EVC: variants seen among roughly 807,000 people sequenced by gnomAD.
The protein encoded by EVC is evC complex member EVC.
In EVC, 116 loss-of-function variants were observed where a neutral mutation model predicts 118.9. The ratio of observed to expected loss-of-function variants is 0.98; its 90% CI spans 0.84 to 1.14. The LOEUF is 1.14. Among genes scored for constraint, EVC ranks in the 50% most tolerant of loss-of-function variants. The pLI is 0.00. For synonymous variants in EVC, 619 were observed against 534.7 expected, an observed-to-expected ratio of 1.16 and a Z score of -2.18; for missense variants, 1,401 against 1,246.4, an observed-to-expected ratio of 1.12 and a Z score of -1.87.
At chr4:5,787,654 T>G (rs190720545) in intron 12 of EVC, among the ~76,000 whole-genome samples, 168 of 152,206 alleles carry the variant, frequency 1.1e-3, no homozygotes, top group African/African-American at 3.8e-3. Flanking sequence ...GCCAACAAAT[T>G]TGTAATAAAG....
At chr4:5,767,929 CA>C (rs1733211992) in intron 11 of EVC, among the ~76,000 whole-genome samples, 1 of 152,192 alleles carries the variant, frequency 6.6e-6, no homozygotes, top group African/African-American at 2.4e-5. Context: ...CCCCTCCCCC[CA>C]CCGGCAGCTT....
At chr4:5,765,498 T>C (rs1386982161) in intron 11 of EVC, among the ~76,000 whole-genome samples, 4 of 121,246 alleles carry the variant, frequency 3.3e-5, no homozygotes, top group Non-Finnish European at 5.4e-5. Flanking sequence ...ATGTTGACAG[T>C]GGGGTGTTAA....
Position 5,737,538 on chromosome 4 carries a change from A to G in EVC, c.702+4103A>G, listed in dbSNP as rs912734261. Among the ~76,000 whole-genome samples, 3 of 152,236 alleles carry G rather than the reference A, an allele frequency of 2.0e-5. No homozygotes were observed. The highest frequency in any genetic ancestry group is 4.8e-5 in the African/African-American group (2 of 41,470). On this transcript the variant is annotated intron_variant, in intron 5 of 20. Transcript: ENST00000264956. The surrounding 1 kb of genome is among the most constrained non-coding windows in gnomAD (Gnocchi z 5.0). ...CAAAGAACAGGCTGACTCTCTCGCT[A>G]GGGGCTAATGCGGGAGATGACTTTA...
At chr4:5,730,513 C>T (rs1401230982) in intron 3 of EVC, among the ~76,000 whole-genome samples, 1 of 152,118 alleles carries the variant, frequency 6.6e-6, no homozygotes, top group Non-Finnish European at 1.5e-5. Flanking sequence ...TTTCTCCATC[C>T]TCTGGGTAGG....
At chr4:5,822,704 A>T in the EVC span, among the ~76,000 whole-genome samples, 1 of 152,208 alleles carries the variant, frequency 6.6e-6, no homozygotes, top group Non-Finnish European at 1.5e-5. Flanking sequence ...AGGGAGGGGA[A>T]GTTGAGCCGG....
intron 8 of EVC, among the ~76,000 whole-genome samples, chr4:5,748,737 A>ATCCACCCATCC (rs1729860722): frequency 1.9e-5 from 2 of 104,112 alleles, no homozygotes; most frequent in Admixed American, 2.1e-4. Context: ...TCCACCCATC[A>ATCCACCCATCC]ATCCACCCAT....
chr4:5,808,457 T>C, intron 18 of EVC, 130 bp downstream of exon 18: 1 of 1,431,396 alleles, frequency 7.0e-7, no homozygotes, highest in South Asian at 1.2e-5. Flanking sequence ...GTTGACCCGC[T>C]GAGTCTCACC....
chr4:5,794,331 A>G (rs917999238), intron 13 of EVC, among the ~76,000 whole-genome samples: 7 of 119,158 alleles, frequency 5.9e-5, no homozygotes, highest in African/African-American at 1.7e-4. Flanking sequence ...ATATTTATAT[A>G]TATTTATATA....
intron 10 of EVC, 25 bp downstream of exon 10, chr4:5,753,958 A>T (rs752505533): frequency 6.2e-7 from 1 of 1,612,270 alleles, no homozygotes; most frequent in South Asian, 1.1e-5. Flanking sequence ...CAGCCTCTGC[A>T]CATGTGGGTG....
chr4:5,754,048 C>G lies in EVC; in HGVS notation c.1464+115C>G, dbSNP rs1730809000. 2.2e-6 allele frequency: 3 copies of G among 1,359,332 alleles called. No homozygotes were observed. Among genetic ancestry groups the G allele is most frequent in the East Asian group, 2.3e-5 (1 of 42,616 alleles). 84.2% of individuals were successfully genotyped at this position (1,359,332 alleles called of 1,614,324 possible). A position where few individuals can be genotyped will look rare whatever the true frequency, so the allele number is the denominator to read the frequency against. On this transcript the variant is annotated intron_variant, in intron 10 of 20. Coordinates refer to ENST00000264956, the MANE Select transcript of EVC (RefSeq NM_153717.3). This position sits in a 1 kb window ranked among gnomAD's most constrained non-coding sequence, Gnocchi z 5.8. ...CAGGCATGAGGTTATCTGCCTACTTCCCATGTGTCAGCCGAGTGACCGAAT... is the reference window on the plus strand; with the variant it reads ...CAGGCATGAGGTTATCTGCCTACTTGCCATGTGTCAGCCGAGTGACCGAAT...
chr4:5,783,851 A>T (rs1736026064), intron 12 of EVC, 87 bp downstream of exon 12: 1 of 1,230,698 alleles, frequency 8.1e-7, no homozygotes, highest in South Asian at 1.3e-5. Flanking sequence ...CTGAACACCC[A>T]CTAGTGCCTA....
At chr4:5,794,357 ATGTATT>A (rs1713492411) in intron 13 of EVC, among the ~76,000 whole-genome samples, 2 of 140,068 alleles carry the variant, frequency 1.4e-5, no homozygotes. Context: ...ATATATATTT[ATGTATT>A]TATATTTATA....
intron 16 of EVC, among the ~76,000 whole-genome samples, chr4:5,804,095 G>A (rs539424304): frequency 1.7e-4 from 26 of 152,154 alleles, no homozygotes; most frequent in Admixed American, 4.6e-4. Context: ...ATGTCACTGC[G>A]CCTGGCTCAT....
At chr4:5,758,311 A>G (rs1168675755) in intron 11 of EVC, 1 of 558,922 alleles carries the variant, frequency 1.8e-6, no homozygotes, top group African/African-American at 1.9e-5. Flanking sequence ...GTCTTAATGC[A>G]CCCAGTTTGC....
chr4:5,746,438 C>T lies in EVC; in HGVS notation c.939+1097C>T, dbSNP rs927408941. Among the ~76,000 whole-genome samples, 1 of 152,088 alleles carries T rather than the reference C, an allele frequency of 6.6e-6. No individual in the cohort carries two copies. The highest frequency in any genetic ancestry group is 2.1e-4 in the South Asian group (1 of 4,816). On this transcript the variant is annotated intron_variant, in intron 7 of 20. Transcript: ENST00000264956. The surrounding 1 kb of genome is among the most constrained non-coding windows in gnomAD (Gnocchi z 5.8). ...GGGTCAGTGCTGCTGAAATAAGCGCCCCAGAGCAAGATGCTCATGGGAGGG... is the reference window on the plus strand; with the variant it reads ...GGGTCAGTGCTGCTGAAATAAGCGCTCCAGAGCAAGATGCTCATGGGAGGG...
intron 13 of EVC, among the ~76,000 whole-genome samples, 181 bp downstream of exon 13, chr4:5,793,898 T>C (rs1713267423): frequency 6.6e-6 from 1 of 152,218 alleles, no homozygotes; most frequent in Non-Finnish European, 1.5e-5. Flanking sequence ...GCTATCTATT[T>C]GATAGAGTTG....
downstream of EVC, among the ~76,000 whole-genome samples, chr4:5,818,327 C>T (rs1718003006): frequency 1.3e-5 from 2 of 152,152 alleles, no homozygotes; most frequent in Non-Finnish European, 2.9e-5. Context: ...AGAGTGAGAA[C>T]AGACTAATAC....
intron 2 of EVC, among the ~76,000 whole-genome samples, chr4:5,722,322 A>G (rs1206618398): frequency 6.6e-6 from 1 of 152,208 alleles, no homozygotes; most frequent in Admixed American, 6.5e-5. Flanking sequence ...CTTGTTCACT[A>G]TTCAGCTACA....
Position 5,797,195 on chromosome 4 carries a change from G to A in EVC, c.2060G>A (p.Cys687Tyr), listed in dbSNP as rs769365090. Residue 687 changes from cysteine (C) to tyrosine (Y), a missense_variant, in exon 14 of 21, where the codon TGC becomes TAC. By Grantham distance (194) the Cys-to-Tyr change is radical. Coordinates refer to ENST00000264956, the MANE Select transcript of EVC (RefSeq NM_153717.3). ...GCACTGGAGCAGGGGTCCTCCCAGT[G>A]CCTGGACGAGCATCAGTGGCAGCTG... Reference protein sequence around the residue: ...QRALEQGSSQCLDEHQWQLLR... With the variant: ...QRALEQGSSQYLDEHQWQLLR... 1 of 1,612,606 alleles carries A rather than the reference G, an allele frequency of 6.2e-7. No individual in the cohort carries two copies. Among genetic ancestry groups the A allele is most frequent in the East Asian group, 2.2e-5 (1 of 44,852 alleles).
Sources: allele counts gnomAD v4.1 joint callset (sites outside exome capture counted in the v4.1 genomes callset), GRCh38; gene constraint gnomAD v4.1.1; non-coding constraint Gnocchi (gnomAD v3.1); transcripts MANE v1.5; gene names NCBI Gene and HGNC (gene_info 2026-07-23, HGNC 2026-07-21).